The following GLMN variants were observed in gnomAD, a reference collection of about 807,000 sequenced individuals.
GLMN encodes the protein glomulin.
A neutral mutation model predicts 87.8 loss-of-function variants in GLMN; 75 were observed. The observed-to-expected ratio is 0.85, with a 90% confidence interval of 0.71 to 1.04. The LOEUF (loss-of-function observed/expected upper bound fraction) is 1.04. GLMN is among the 50% of genes least tolerant of loss of function. The probability of loss-of-function intolerance (pLI) is 0.00; values close to 1 mark genes in which losing one functional copy is unlikely to be tolerated. For synonymous variants in GLMN, 206 were observed against 221.6 expected, an observed-to-expected ratio of 0.93 and a Z score of 0.63; for missense variants, 588 against 658.8, an observed-to-expected ratio of 0.89 and a Z score of 1.18.
the GLMN span, among the ~76,000 whole-genome samples, chr1:92,348,252 C>T: frequency 6.6e-6 from 1 of 152,178 alleles, no homozygotes; most frequent in Non-Finnish European, 1.5e-5. Flanking sequence ...CACCTTGCAT[C>T]CCTTCTCTCT....
rs563046673 is a variant in GLMN, at chr1:92,255,192, T to C, written c.1474-7203A>G. ...CATTACATAATGGTAAAGGGATCAA[T>C]GCAACAAGAAGAGCTAACTATCTTA... On this transcript the variant is annotated intron_variant, in intron 16 of 18. Transcript: ENST00000370360. 5.3e-5 allele frequency among the ~76,000 whole-genome samples: 8 copies of C among 151,882 alleles called. No individual in the cohort carries two copies. The East Asian group carries it at 1.4e-3, about 26-fold the overall frequency.
chr1:92,272,624 C>G (rs1459709922), intron 7 of GLMN, among the ~76,000 whole-genome samples: 1 of 152,136 alleles, frequency 6.6e-6, no homozygotes, highest in African/African-American at 2.4e-5. Context: ...GCTCCACTAA[C>G]ATTGTGCCTG....
upstream of GLMN, among the ~76,000 whole-genome samples, chr1:92,303,479 T>C (rs1163766557): frequency 6.6e-6 from 1 of 152,124 alleles, no homozygotes; most frequent in Non-Finnish European, 1.5e-5. Context: ...TCTGTACAGA[T>C]TTTTCAGAAG....
At chr1:92,318,317 T>C in the GLMN span, among the ~76,000 whole-genome samples, 9 of 152,216 alleles carry the variant, frequency 5.9e-5, no homozygotes, top group East Asian at 5.8e-4. Context: ...GGAAATATTA[T>C]GTTACTCACT....
intron 16 of GLMN, among the ~76,000 whole-genome samples, chr1:92,252,769 TA>T (rs1653693972): frequency 6.6e-6 from 1 of 152,214 alleles, no homozygotes; most frequent in Non-Finnish European, 1.5e-5. Flanking sequence ...TTTCAGTGTC[TA>T]GAAAAAGTAA....
chr1:92,317,081 T>TAAG, the GLMN span, among the ~76,000 whole-genome samples: 1 of 152,204 alleles, frequency 6.6e-6, no homozygotes. Flanking sequence ...TTGGGTCTTT[T>TAAG]TCTAACACTA....
intron 16 of GLMN, chr1:92,248,265 T>G (rs1479950859): frequency 3.2e-6 from 1 of 309,902 alleles, no homozygotes; most frequent in Non-Finnish European, 6.0e-6. Flanking sequence ...GAAAATTATT[T>G]GAGGATAAAT....
At chr1:92,253,395 T>C (rs991031136) in intron 16 of GLMN, among the ~76,000 whole-genome samples, 5 of 152,178 alleles carry the variant, frequency 3.3e-5, no homozygotes, top group African/African-American at 9.7e-5. Flanking sequence ...AGCAGATCTC[T>C]CAGCACAGCG....
intron 16 of GLMN, among the ~76,000 whole-genome samples, chr1:92,251,711 G>T (rs1400411061): frequency 6.6e-6 from 1 of 151,880 alleles, no homozygotes. Context: ...TCCTCTTGTA[G>T]AAGTTCTAAG....
chr1:92,300,222 A>C (rs1286972115), upstream of GLMN: 1 of 1,610,366 alleles, frequency 6.2e-7, no homozygotes, highest in Non-Finnish European at 8.5e-7. Flanking sequence ...CTTTGAAACA[A>C]GAAGATGCTT....
At chr1:92,306,235 GT>G in the GLMN span, among the ~76,000 whole-genome samples, 29 of 152,156 alleles carry the variant, frequency 1.9e-4, no homozygotes, top group Non-Finnish European at 3.4e-4. Flanking sequence ...GGAAGTTAGT[GT>G]ATAGGGTTTC....
intron 7 of GLMN, among the ~76,000 whole-genome samples, chr1:92,279,048 C>A (rs1020841843): frequency 6.6e-6 from 1 of 151,848 alleles, no homozygotes; most frequent in Non-Finnish European, 1.5e-5. Flanking sequence ...TCACCCACAC[C>A]AGGTTCTACA....
At chr1:92,303,542 T>C (rs538577686), upstream of GLMN, among the ~76,000 whole-genome samples, 22 of 152,352 alleles carry the variant, frequency 1.4e-4, no homozygotes, top group South Asian at 3.7e-3. Context: ...ACTTTTGAAA[T>C]ACTTTGTTTT....
intron 13 of GLMN, 146 bp from the exon 14 acceptor site, chr1:92,264,784 A>G: frequency 1.5e-6 from 1 of 662,498 alleles, no homozygotes; most frequent in Non-Finnish European, 2.7e-6. Context: ...AAGGTCATCA[A>G]CCAATTACAA....
At chr1:92,259,189 A>C (rs893786980) in intron 16 of GLMN, among the ~76,000 whole-genome samples, 3 of 152,250 alleles carry the variant, frequency 2.0e-5, no homozygotes, top group African/African-American at 7.2e-5. Flanking sequence ...GGTAAGGGAT[A>C]ACATGATTAT....
chr1:92,290,160 T>C, intron 5 of GLMN, 38 bp downstream of exon 5: 1 of 1,127,432 alleles, frequency 8.9e-7, no homozygotes, highest in Non-Finnish European at 1.4e-6. Flanking sequence ...CATTTAGAGA[T>C]ACAACAAGAA....
At chr1:92,276,302 A>G (rs1266929987) in intron 7 of GLMN, among the ~76,000 whole-genome samples, 1 of 151,970 alleles carries the variant, frequency 6.6e-6, no homozygotes, top group Non-Finnish European at 1.5e-5. Context: ...ATTATATTTT[A>G]AATTCCTTAA....
At chr1:92,370,839 A>AAAAAT in the GLMN span, among the ~76,000 whole-genome samples, 1 of 152,196 alleles carries the variant, frequency 6.6e-6, no homozygotes, top group African/African-American at 2.4e-5. Context: ...TTTACCTAAA[A>AAAAAT]AAAATAAAAA....
chr1:92,291,592 G>A, intron 3 of GLMN, 55 bp from the exon 4 acceptor site: 1 of 1,575,570 alleles, frequency 6.3e-7, no homozygotes, highest in East Asian at 2.2e-5. Context: ...GACTCTCGCA[G>A]TGTGCTTTCC....
Sources: allele counts gnomAD v4.1 joint callset (sites outside exome capture counted in the v4.1 genomes callset), GRCh38; gene constraint gnomAD v4.1.1; transcripts MANE v1.5; gene names NCBI Gene and HGNC (gene_info 2026-07-23, HGNC 2026-07-21).